The following UHRF1 variants were observed in gnomAD, a reference collection of about 807,000 sequenced individuals.
UHRF1 encodes the protein E3 ubiquitin-protein ligase UHRF1.
Under a neutral mutation model 96.5 loss-of-function variants are expected in UHRF1, and 9 were observed. That is an observed-to-expected ratio of 0.09 (90% CI 0.06 to 0.16). UHRF1 has a LOEUF of 0.16. Ranked by LOEUF, UHRF1 falls within the 10% of genes least tolerant of loss-of-function variation. The pLI is 1.00. For missense variants in UHRF1, 626 were observed against 1,131.1 expected (o/e 0.55, Z 6.40); for synonymous variants, 455 against 469.9 (o/e 0.97, Z 0.41).
At position 4,954,757 on chromosome 19, in the gene UHRF1, A is replaced by G; in HGVS notation, c.2065A>G (p.Ser689Gly). The change falls in exon 15 of 17, where the codon AGC (serine) becomes GGC (glycine). Residue 689 changes from serine (S) to glycine (G), a missense_variant. Ser to Gly is a moderately conservative substitution (Grantham distance 56). Transcript: ENST00000650932. This position sits in a 1 kb window ranked among gnomAD's most constrained non-coding sequence, Gnocchi z 5.9. ...QQSSLIREDK[S>G]NAKLWNEVLA... ...GAGCAGCCTCATCAGAGAGGACAAG[A>G]GCAACGCCAAGCTGTGGAATGAGGT... is the stretch of plus-strand genomic sequence containing the variant. 6.2e-7 allele frequency: 1 copy of G among 1,613,818 alleles called. No homozygotes were observed. The highest frequency in any genetic ancestry group is 8.5e-7 in the Non-Finnish European group (1 of 1,179,830).
intron 2 of UHRF1, among the ~76,000 whole-genome samples, chr19:4,915,965 T>C (rs1161047670): frequency 1.3e-5 from 2 of 152,160 alleles, no homozygotes; most frequent in Non-Finnish European, 2.9e-5. Context: ...AATGATCCAA[T>C]AGCCCCAGGA....
chr19:4,942,096 G>C (rs1287803107), intron 7 of UHRF1, among the ~76,000 whole-genome samples, 165 bp downstream of exon 7: 2 of 152,234 alleles, frequency 1.3e-5, no homozygotes, highest in East Asian at 1.9e-4. Context: ...AGGAGTTCAA[G>C]AGCAGCCTGG....
intron 11 of UHRF1, among the ~76,000 whole-genome samples, chr19:4,949,473 G>GACACACACACACACAC (rs10580944): frequency 1.1e-4 from 16 of 147,842 alleles, no homozygotes; most frequent in African/African-American, 4.0e-4. Context: ...TTGGCACATA[G>GACACACACACACACAC]ACACACACAC....
chr19:4,951,048 C>CT, intron 13 of UHRF1, 52 bp downstream of exon 13: 1 of 1,518,506 alleles, frequency 6.6e-7, no homozygotes, highest in Non-Finnish European at 8.8e-7. Flanking sequence ...GGATGGATCA[C>CT]TTACGTTAGG....
chr19:4,909,304 C>A, upstream of UHRF1: 1 of 546,580 alleles, frequency 1.8e-6, no homozygotes, highest in Non-Finnish European at 3.2e-6. Flanking sequence ...GCTGGGCGCG[C>A]CCAGCAGAGC....
chr19:4,953,465 C>A (rs568981225), intron 13 of UHRF1, among the ~76,000 whole-genome samples: 1 of 152,030 alleles, frequency 6.6e-6, no homozygotes, highest in Non-Finnish European at 1.5e-5. Context: ...CACTTTGGGG[C>A]CATTATTTTT....
rs71170880 is a variant in UHRF1 at position 4,938,730 on chromosome 19, G to GTTTTTTTTTT, written c.786-2776_786-2767dup. ...GGCATAAGAGTTTTGTTTTGGTCAG[G>GTTTTTTTTTT]TTTTTTTTTTTTTTTTTTTTTTTTT... On this transcript the variant is annotated intron_variant, in intron 5 of 16. Coordinates refer to ENST00000650932, the MANE Select transcript of UHRF1 (RefSeq NM_001048201.3). 5.2e-3 allele frequency among the ~76,000 whole-genome samples: 319 copies of GTTTTTTTTTT among 61,570 alleles called. 34 individuals are homozygous for GTTTTTTTTTT. Among genetic ancestry groups the GTTTTTTTTTT allele is most frequent in the Non-Finnish European group, 6.3e-3 (213 of 34,012 alleles). The allele number at this position is 61,570 out of a possible 152,430, so 40.4% of individuals were successfully genotyped here.
chr19:4,932,054 G>A (rs1238001444), intron 4 of UHRF1, among the ~76,000 whole-genome samples: 4 of 151,950 alleles, frequency 2.6e-5, no homozygotes, highest in Admixed American at 6.6e-5. Flanking sequence ...TCAGCCTCCC[G>A]AGTAGCTGGG....
At chr19:4,950,502 C>T in intron 11 of UHRF1, 109 bp from the exon 12 acceptor site, 6 of 1,255,024 alleles carry the variant, frequency 4.8e-6, no homozygotes, top group Non-Finnish European at 6.5e-6. Flanking sequence ...CTTCAGCCTC[C>T]CAAAGTGCTG....
At chr19:4,916,175 G>A (rs1050684293) in intron 2 of UHRF1, among the ~76,000 whole-genome samples, 11 of 152,004 alleles carry the variant, frequency 7.2e-5, no homozygotes, top group African/African-American at 1.4e-4. Context: ...GCATGGTGGC[G>A]CATGCCTGTA....
At chr19:4,917,147 G>C (rs1295850725) in intron 2 of UHRF1, among the ~76,000 whole-genome samples, 1 of 148,618 alleles carries the variant, frequency 6.7e-6, no homozygotes, top group African/African-American at 2.5e-5. Flanking sequence ...TATAGAGATG[G>C]GATCTCGCTT....
chr19:4,926,258 C>T lies in UHRF1; in HGVS notation c.154-2964C>T, dbSNP rs185453038. On this transcript the variant is annotated intron_variant, in intron 2 of 16. Transcript: ENST00000650932. ...CACTCTCAGGCTGTTGCGAGTGATG[C>T]CGTGTGAACCTGCGTGTACAGGTTG... Among the ~76,000 whole-genome samples, 35 of 152,332 alleles carry T rather than the reference C, an allele frequency of 2.3e-4. No homozygotes were observed. In the East Asian group the frequency reaches 3.3e-3, roughly 14 times the overall value.
At chr19:4,933,235 G>GT (rs1047572808) in intron 5 of UHRF1, among the ~76,000 whole-genome samples, 4 of 151,898 alleles carry the variant, frequency 2.6e-5, no homozygotes, top group African/African-American at 7.3e-5. Context: ...TTCTCATGGT[G>GT]TTTTTTTTAT....
chr19:4,944,330 G>A lies in UHRF1; in HGVS notation c.1198-13G>A. The A allele has an allele frequency of 6.2e-7, 1 of 1,614,050 alleles. No homozygotes were observed. Among genetic ancestry groups the A allele is most frequent in the Non-Finnish European group, 8.5e-7 (1 of 1,179,898 alleles). On this transcript the variant is annotated splice_polypyrimidine_tract_variant and intron_variant, in intron 8 of 16. Transcript: ENST00000650932. ...GCTCACGCTGTTGTTCTTTGTGTCT[G>A]TGCCTGGGACAGGGCATGGCCTGTG...
chr19:4,907,393 C>G (rs532877189), upstream of UHRF1, among the ~76,000 whole-genome samples: 12 of 152,218 alleles, frequency 7.9e-5, no homozygotes, highest in South Asian at 1.5e-3. Context: ...CTCAGCTTCC[C>G]GAGTAGCTGG....
At chr19:4,955,741 C>T (rs1397945084) in intron 15 of UHRF1, among the ~76,000 whole-genome samples, 2 of 151,806 alleles carry the variant, frequency 1.3e-5, no homozygotes, top group East Asian at 2.0e-4. Context: ...TCGAGTCATC[C>T]GAGGCTGGGC....
upstream of UHRF1, among the ~76,000 whole-genome samples, chr19:4,906,683 G>A (rs373476995): frequency 9.2e-5 from 14 of 152,298 alleles, no homozygotes; most frequent in Middle Eastern, 0.01. Flanking sequence ...AACCCAGGAG[G>A]TGGAGGTTGC....
rs1025986208 is a variant in UHRF1, at chr19:4,933,034, C to T, written c.785+78C>T. The T allele has an allele frequency of 1.4e-5, 21 of 1,457,316 alleles. No individual in the cohort carries two copies. In the African/African-American group the frequency reaches 1.5e-4, roughly 11 times the overall value. The allele number at this position is 1,457,316 out of a possible 1,614,324, so 90.3% of individuals were successfully genotyped here. A position where few individuals can be genotyped will look rare whatever the true frequency, so the allele number is the denominator to read the frequency against. ...GGGGCCCCCGGACTGGCTTTGAAGC[C>T]GTCCAGCCAGCGCTGTGTGTGCGAG... On this transcript the variant is annotated intron_variant, in intron 5 of 16. Coordinates refer to ENST00000650932, the MANE Select transcript of UHRF1 (RefSeq NM_001048201.3).
chr19:4,947,069 TGCAGA>T, intron 10 of UHRF1, 31 bp from the exon 11 acceptor site: 2 of 1,514,214 alleles, frequency 1.3e-6, no homozygotes, highest in African/African-American at 1.4e-5. Context: ...TTTTTGCCTC[TGCAGA>T]GGGTTCACCC....
Sources: allele counts gnomAD v4.1 joint callset (sites outside exome capture counted in the v4.1 genomes callset), GRCh38; gene constraint gnomAD v4.1.1; non-coding constraint Gnocchi (gnomAD v3.1); transcripts MANE v1.5; gene names NCBI Gene and HGNC (gene_info 2026-07-23, HGNC 2026-07-21).